The following SLC12A1 variants were observed in gnomAD, a reference collection of about 807,000 sequenced individuals.
The protein encoded by SLC12A1 is Na-K-2Cl cotransporter.
SLC12A1 carries 89 observed loss-of-function variants against 130.4 expected under a neutral mutation model. The observed-to-expected ratio is 0.68, with a 90% CI of 0.58 to 0.81. SLC12A1 has a LOEUF of 0.81. SLC12A1 is among the 40% of genes least tolerant of loss of function. The pLI is 0.00. For missense variants in SLC12A1, 1,310 were observed against 1,336.4 expected (o/e 0.98, Z 0.31); for synonymous variants, 499 against 460.0 (o/e 1.08, Z -1.09).
chr15:48,255,659 G>C (rs976592729), intron 15 of SLC12A1, among the ~76,000 whole-genome samples, 152 bp from the exon 16 acceptor site: 1 of 152,172 alleles, frequency 6.6e-6, no homozygotes, highest in Non-Finnish European at 1.5e-5. Context: ...GTGCTTTTTA[G>C]GAAATCCCAC....
chr15:48,266,064 C>T, intron 17 of SLC12A1, among the ~76,000 whole-genome samples: 1 of 152,196 alleles, frequency 6.6e-6, no homozygotes. Context: ...GAACCAGCCA[C>T]ATTTCAAATG....
At chr15:48,238,063 A>G (rs2041459502) in intron 9 of SLC12A1, among the ~76,000 whole-genome samples, 1 of 152,254 alleles carries the variant, frequency 6.6e-6, no homozygotes, top group Non-Finnish European at 1.5e-5. Flanking sequence ...CGGTAAGAAA[A>G]CATTATACAT....
intron 5 of SLC12A1, chr15:48,227,226 G>A: frequency 8.5e-7 from 1 of 1,176,290 alleles, no homozygotes; most frequent in Non-Finnish European, 1.2e-6. Context: ...AGTAATGTCT[G>A]GAGTTAATTT....
chr15:48,270,919 C>T (rs2041891553), intron 19 of SLC12A1, among the ~76,000 whole-genome samples: 1 of 149,684 alleles, frequency 6.7e-6, no homozygotes, highest in Admixed American at 6.7e-5. Context: ...CAGAGAGAAA[C>T]ACTGTAGAAA....
chr15:48,269,226 A>T (rs922011488), intron 18 of SLC12A1, among the ~76,000 whole-genome samples: 6 of 152,184 alleles, frequency 3.9e-5, no homozygotes. Flanking sequence ...ATAAGTAGAG[A>T]TTTTAGTGAT....
chr15:48,219,951 T>C (rs1437834717), intron 2 of SLC12A1, among the ~76,000 whole-genome samples: 1 of 150,992 alleles, frequency 6.6e-6, no homozygotes, highest in East Asian at 2.0e-4. Context: ...CTACTAAAAA[T>C]ACAAAAAATT....
chr15:48,303,004 C>A lies in SLC12A1; in HGVS notation c.*119C>A. 1.4e-6 allele frequency: 1 copy of A among 693,872 alleles called. No individual in the cohort carries two copies. The highest frequency in any genetic ancestry group is 2.3e-6 in the Non-Finnish European group (1 of 443,348). The allele number at this position is 693,872 out of a possible 1,614,324, so 43.0% of individuals were successfully genotyped here. On this transcript the variant is annotated 3_prime_UTR_variant, in exon 27 of 27. Transcript: ENST00000380993. ...TGCAAACCTCTGGAGAGGATCCTAC[C>A]AGATTCTACATACATTGCATAATTT...
intron 4 of SLC12A1, chr15:48,225,020 G>A (rs1004360634): frequency 5.3e-5 from 8 of 152,046 alleles, no homozygotes; most frequent in Non-Finnish European, 1.2e-4. Flanking sequence ...ATATATAGTA[G>A]GTTTTTAAAA....
intron 26 of SLC12A1, 29 bp downstream of exon 26, chr15:48,301,411 A>C: frequency 6.8e-7 from 1 of 1,474,108 alleles, no homozygotes; most frequent in Non-Finnish European, 9.3e-7. Flanking sequence ...ATTGAAGAAC[A>C]TTAGAAATAA....
chr15:48,245,604 T>C (rs902581368), intron 11 of SLC12A1, among the ~76,000 whole-genome samples: 7 of 152,252 alleles, frequency 4.6e-5, no homozygotes, highest in African/African-American at 1.7e-4. Context: ...ACGATTTTAT[T>C]CTTTTTGTGG....
intron 24 of SLC12A1, among the ~76,000 whole-genome samples, chr15:48,297,365 T>C (rs949270376): frequency 6.6e-6 from 1 of 152,214 alleles, no homozygotes; most frequent in Non-Finnish European, 1.5e-5. Flanking sequence ...CAAGTTTACC[T>C]GTGTTATGTG....
chr15:48,278,091 T>C (rs2041973013), intron 20 of SLC12A1, among the ~76,000 whole-genome samples: 1 of 152,214 alleles, frequency 6.6e-6, no homozygotes, highest in Non-Finnish European at 1.5e-5. Context: ...TATTCACTAT[T>C]AATGTATATT....
chr15:48,237,436 C>T (rs1437790950), intron 9 of SLC12A1: 1 of 152,554 alleles, frequency 6.6e-6, no homozygotes, highest in Non-Finnish European at 1.5e-5. Context: ...TAAAATTCCT[C>T]CCCCTTCAAA....
In SLC12A1 at chr15:48,220,986, A is replaced by G; in HGVS notation, c.618A>G (p.Glu206=). 2 of 1,613,894 alleles carry G rather than the reference A, an allele frequency of 1.2e-6. No homozygotes were observed. Among genetic ancestry groups the G allele is most frequent in the Non-Finnish European group, 1.7e-6 (2 of 1,179,770 alleles). ...TTCGCCTCTCCTGGATTGTTGGAGAAGCTGGAATTGGTAAGCATTTTTCCC... is the reference window on the plus strand; with the variant it reads ...TTCGCCTCTCCTGGATTGTTGGAGAGGCTGGAATTGGTAAGCATTTTTCCC... ...LFIRLSWIVG[E]AGIGLGVLII... The change falls in exon 4 of 27, where the codon GAA becomes GAG. Residue 206 remains glutamate, a synonymous_variant. Transcript: ENST00000380993.
intron 23 of SLC12A1, among the ~76,000 whole-genome samples, chr15:48,289,429 A>ATATATAT (rs60319528): frequency 1.3e-4 from 15 of 119,588 alleles, no homozygotes; most frequent in East Asian, 5.4e-4. Context: ...ATATATATAT[A>ATATATAT]ATGTATAACT....
chr15:48,271,609 C>A (rs866867135), intron 19 of SLC12A1, among the ~76,000 whole-genome samples: 4 of 152,156 alleles, frequency 2.6e-5, no homozygotes, highest in African/African-American at 9.7e-5. Flanking sequence ...AATGTACAGG[C>A]ATTACTGAAC....
chr15:48,234,952 T>G lies in SLC12A1; in HGVS notation c.1163T>G (p.Phe388Cys). ...TTCTTCTCTGTCTTTGCCATTTTTT[T>G]CCCAGCAGCTACTGGGATTCTTGCT... ...EGFFSVFAIFFPAATGILAGA... is the reference protein window; with the variant it reads ...EGFFSVFAIFCPAATGILAGA... The change falls in exon 9 of 27, where the codon TTC becomes TGC. Residue 388 changes from phenylalanine to cysteine, a missense_variant. Phe to Cys is a radical substitution (Grantham distance 205). Coordinates refer to ENST00000380993, the MANE Select transcript of SLC12A1 (RefSeq NM_000338.3). The G allele has an allele frequency of 6.2e-7, 1 of 1,613,902 alleles. No homozygotes were observed. The highest frequency in any genetic ancestry group is 8.5e-7 in the Non-Finnish European group (1 of 1,179,812).
intron 21 of SLC12A1, 115 bp from the exon 22 acceptor site, chr15:48,287,928 A>G (rs2042076478): frequency 8.8e-7 from 1 of 1,142,516 alleles, no homozygotes. Flanking sequence ...TATTTTAGGT[A>G]TAATAAACAT....
chr15:48,246,985 C>A lies in SLC12A1; in HGVS notation c.1529C>A (p.Ala510Asp). The A allele has an allele frequency of 6.2e-7, 1 of 1,613,944 alleles. No individual in the cohort carries two copies. The highest frequency in any genetic ancestry group is 8.5e-7 in the Non-Finnish European group (1 of 1,179,834). ...TCTGCAACACTCTCCTCCGCCCTGG[C>A]CTCCCTTGTCAGCGCACCCAAAGTG... Reference protein sequence around the residue: ...IFSATLSSALASLVSAPKVFQ... With the variant: ...IFSATLSSALDSLVSAPKVFQ... The change falls in exon 12 of 27, where the codon GCC becomes GAC. Residue 510 changes from alanine (A) to aspartate (D), a missense_variant. Coordinates refer to ENST00000380993, the MANE Select transcript of SLC12A1 (RefSeq NM_000338.3).
Sources: allele counts gnomAD v4.1 joint callset (sites outside exome capture counted in the v4.1 genomes callset), GRCh38; gene constraint gnomAD v4.1.1; transcripts MANE v1.5; gene names NCBI Gene and HGNC (gene_info 2026-07-23, HGNC 2026-07-21).